FMN2: variants seen among roughly 807,000 people sequenced by gnomAD.
FMN2 encodes formin-2.
A neutral mutation model predicts 142.3 loss-of-function variants in FMN2; 51 were observed. The ratio of observed to expected loss-of-function variants is 0.36; its 90% CI spans 0.29 to 0.45. The LOEUF (loss-of-function observed/expected upper bound fraction) is 0.45. Ranked by LOEUF, FMN2 falls within the 20% of genes least tolerant of loss-of-function variation. The pLI is 1.00. For missense variants in FMN2, 1,936 were observed against 2,122.8 expected (o/e 0.91, Z 1.73); for synonymous variants, 882 against 869.8 (o/e 1.01, Z -0.25).
At chr1:240,241,825 C>CTTCTTTTTTTTTTTTTTTTTTTTTTT (rs1667908718) in intron 6 of FMN2, among the ~76,000 whole-genome samples, 1 of 96,202 alleles carries the variant, frequency 1.0e-5, no homozygotes. Context: ...GTGTGCCTTG[C>CTTCTTTTTTTTTTTTTTTTTTTTTTT]TTTTTTTTTT....
In FMN2 at chr1:240,397,857, G is replaced by A. The variant is rs140468332; in HGVS notation, c.4910+5295G>A. On this transcript the variant is annotated intron_variant, in intron 15 of 17. Transcript: ENST00000319653. ...CTTTCACAATACCATCTAGACTGGTGTTTGACCCCAAAATGGGCACTATGA... is the reference window on the plus strand; with the variant it reads ...CTTTCACAATACCATCTAGACTGGTATTTGACCCCAAAATGGGCACTATGA... Among the ~76,000 whole-genome samples, 127 of 149,814 alleles carry A rather than the reference G, an allele frequency of 8.5e-4. 1 individual carries two copies. The highest frequency in any genetic ancestry group is 2.9e-3 in the African/African-American group (119 of 40,790).
At chr1:240,322,023 C>T (rs1020063701) in intron 8 of FMN2, among the ~76,000 whole-genome samples, 1 of 152,088 alleles carries the variant, frequency 6.6e-6, no homozygotes, top group Non-Finnish European at 1.5e-5. Flanking sequence ...TTTAATACAC[C>T]TAGCTTATCT....
Position 240,410,616 on chromosome 1 carries a change from GA to G in FMN2, c.4910+18057del, listed in dbSNP as rs553817237. On this transcript the variant is annotated intron_variant, in intron 15 of 17. Transcript: ENST00000319653. Reference sequence around the variant, plus strand: ...AACTTTAACTAGAAGAAAATATTGAGAAATTTTTTGGGATTTAGAAATTGGG... The same window carrying G: ...AACTTTAACTAGAAGAAAATATTGAGAATTTTTTGGGATTTAGAAATTGGG... Among the ~76,000 whole-genome samples the G allele has an allele frequency of 3.3e-3, 505 of 152,252 alleles. 5 individuals carry two copies. The highest frequency in any genetic ancestry group is 0.011 in the African/African-American group (460 of 41,564).
chr1:240,415,984 CA>C (rs1388489856), intron 15 of FMN2, among the ~76,000 whole-genome samples: 2 of 152,108 alleles, frequency 1.3e-5, no homozygotes, highest in African/African-American at 4.8e-5. Context: ...TTTTCTGTCT[CA>C]ATTTTCCTGC....
chr1:240,247,672 T>A (rs1478212106), intron 6 of FMN2, among the ~76,000 whole-genome samples: 1 of 152,120 alleles, frequency 6.6e-6, no homozygotes, highest in East Asian at 1.9e-4. Context: ...GTTTGGAGAA[T>A]GGACAGGAAG....
At chr1:240,452,139 C>CT (rs1676076865) in intron 16 of FMN2, among the ~76,000 whole-genome samples, 1 of 151,476 alleles carries the variant, frequency 6.6e-6, no homozygotes, top group Non-Finnish European at 1.5e-5. Flanking sequence ...TGCAGTGAGC[C>CT]GAGATCACAC....
intron 7 of FMN2, among the ~76,000 whole-genome samples, chr1:240,267,736 G>A (rs542071653): frequency 3.3e-5 from 5 of 151,856 alleles, no homozygotes; most frequent in South Asian, 2.1e-4. Flanking sequence ...AGTTCATATG[G>A]CATATTTCTG....
chr1:240,311,604 A>C (rs1203408053), intron 8 of FMN2, among the ~76,000 whole-genome samples: 2 of 152,188 alleles, frequency 1.3e-5, no homozygotes, highest in Non-Finnish European at 2.9e-5. Context: ...AAACTTAATA[A>C]AAAATCAGAA....
At chr1:240,380,779 A>T (rs1178312069) in intron 14 of FMN2, among the ~76,000 whole-genome samples, 2 of 152,036 alleles carry the variant, frequency 1.3e-5, no homozygotes, top group Non-Finnish European at 2.9e-5. Flanking sequence ...ACCAAAAAAA[A>T]TGATAAAGGA....
chr1:240,411,812 G>A (rs764444719), intron 15 of FMN2, among the ~76,000 whole-genome samples: 4 of 152,040 alleles, frequency 2.6e-5, no homozygotes, highest in Admixed American at 2.6e-4. Flanking sequence ...TGATGTGGAT[G>A]ATTAACATAG....
At chr1:240,211,617 C>A (rs944861738) in intron 6 of FMN2, among the ~76,000 whole-genome samples, 9 of 151,956 alleles carry the variant, frequency 5.9e-5, no homozygotes, top group Admixed American at 6.6e-5. Context: ...AAATCCAATC[C>A]TTAGTAACTG....
At position 240,208,585 on chromosome 1, in the gene FMN2, A is replaced by G. The variant is rs1165662259; in HGVS notation, c.3773A>G (p.Gln1258Arg). ...GGGAGTAGCACTTTACCAACCCCAC[A>G]GGTGTGTGGATTTCTTCCTCCTCCA... ...QVGSSTLPTPQVCGFLPPPLP... is the reference protein window; with the variant it reads ...QVGSSTLPTPRVCGFLPPPLP... The change falls in exon 5 of 18, where the codon CAG (glutamine) becomes CGG (arginine). Residue 1258 changes from glutamine to arginine, a missense_variant. Around this residue, in one of 8 missense-constraint regions of FMN2, gnomAD observed 259 missense variants for 230.9 expected, o/e 1.12. Transcript: ENST00000319653. 3 of 1,613,354 alleles carry G rather than the reference A, an allele frequency of 1.9e-6. No homozygotes were observed. Among genetic ancestry groups the G allele is most frequent in the African/African-American group, 1.3e-5 (1 of 74,696 alleles).
At chr1:240,279,227 T>A (rs1206608776) in intron 7 of FMN2, among the ~76,000 whole-genome samples, 1 of 152,088 alleles carries the variant, frequency 6.6e-6, no homozygotes, top group African/African-American at 2.4e-5. Context: ...TGAAGGATGT[T>A]AGGAAGCTCT....
intron 14 of FMN2, among the ~76,000 whole-genome samples, chr1:240,357,145 G>A (rs1672298902): frequency 6.6e-6 from 1 of 152,054 alleles, no homozygotes; most frequent in African/African-American, 2.4e-5. Context: ...TTTTAAAAAT[G>A]TAACAGGAAA....
At chr1:240,191,399 G>A (rs939543764) in intron 4 of FMN2, among the ~76,000 whole-genome samples, 4 of 152,192 alleles carry the variant, frequency 2.6e-5, no homozygotes, top group Admixed American at 6.5e-5. Context: ...TGAAAAGAAC[G>A]GACTGTAGCT....
chr1:240,346,062 A>G (rs148036314), intron 13 of FMN2, among the ~76,000 whole-genome samples: 1 of 152,256 alleles, frequency 6.6e-6, no homozygotes, highest in East Asian at 1.9e-4. Flanking sequence ...AGGAAAAGCA[A>G]GTTGTAGGAA....
chr1:240,422,550 A>G (rs1572291508), intron 15 of FMN2, among the ~76,000 whole-genome samples: 2 of 152,270 alleles, frequency 1.3e-5, no homozygotes, highest in East Asian at 3.9e-4. Context: ...TTAATTATTC[A>G]GTGCTGGTAT....
chr1:240,185,563 C>T (rs148050742), intron 3 of FMN2, among the ~76,000 whole-genome samples: 2 of 152,338 alleles, frequency 1.3e-5, no homozygotes, highest in African/African-American at 4.8e-5. Flanking sequence ...GCTGATGCAT[C>T]TTTCTAATGT....
intron 14 of FMN2, among the ~76,000 whole-genome samples, chr1:240,388,738 TGTAATCCCAACTACTC>T (rs983266677): frequency 1.3e-5 from 2 of 151,880 alleles, no homozygotes; most frequent in African/African-American, 4.8e-5. Context: ...GGCATGCGCC[TGTAATCCCAACTACTC>T]GGGAGGCTGA....
Sources: allele counts gnomAD v4.1 joint callset (sites outside exome capture counted in the v4.1 genomes callset), GRCh38; gene constraint gnomAD v4.1.1; regional missense constraint gnomAD v4.1.1; transcripts MANE v1.5; gene names NCBI Gene and HGNC (gene_info 2026-07-23, HGNC 2026-07-21).